Variants in MMP17 observed in about 807,000 individuals in gnomAD.
MMP17 encodes matrix metalloproteinase-17.
In MMP17, 54 loss-of-function variants were observed where a neutral mutation model predicts 49.1. That is an observed-to-expected ratio of 1.10 (90% CI 0.88 to 1.38). The LOEUF is 1.38. MMP17 is among the 40% of genes most tolerant of loss of function. The pLI, the probability that MMP17 is intolerant of heterozygous loss-of-function variation, is 0.00. For synonymous variants in MMP17, 397 were observed against 383.1 expected (o/e 1.04, Z -0.42); for missense variants, 837 against 853.7 (o/e 0.98, Z 0.24).
rs887200884 is a variant in MMP17 at position 131,851,661 on chromosome 12, G to A, written c.*387G>A. On this transcript the variant is annotated 3_prime_UTR_variant, in exon 10 of 10. Transcript: ENST00000360564. ...GCTCCCGCCGGCCCACAGGGCCTCCGTCCCCAGGTCCCCAGTGGGGCAGCC... is the reference window on the plus strand; with the variant it reads ...GCTCCCGCCGGCCCACAGGGCCTCCATCCCCAGGTCCCCAGTGGGGCAGCC... The A allele has an allele frequency of 5.1e-5, 10 of 195,324 alleles. No homozygotes were observed. The highest frequency in any genetic ancestry group is 8.3e-5 in the Non-Finnish European group (8 of 96,592). 12.1% of individuals were successfully genotyped at this position (195,324 alleles called of 1,614,324 possible).
In MMP17 at chr12:131,828,420, G is replaced by C. The variant is rs1022019556; in HGVS notation, c.-75G>C. ...TCCGGCGGGGGCGCCGCGGAGAGCG[G>C]AGGGCGCCGGGCTGCGGAACGCGAA... is the stretch of plus-strand genomic sequence containing the variant. On this transcript the variant is annotated 5_prime_UTR_variant, in exon 1 of 10. Transcript: ENST00000360564. 1 of 865,550 alleles carries C rather than the reference G, an allele frequency of 1.2e-6. No homozygotes were observed. The allele number at this position is 865,550 out of a possible 1,614,324, so 53.6% of individuals were successfully genotyped here.
rs1021388094 is a variant in MMP17 at position 131,845,562 on chromosome 12, C to G, written c.1204+113C>G. ...GCCCTACGTCTGCCCAGAGGCTGGT[C>G]GAGCACAGAGCAGCTGGTTTGCTTG... On this transcript the variant is annotated intron_variant, in intron 8 of 9. Coordinates refer to ENST00000360564, the MANE Select transcript of MMP17 (RefSeq NM_016155.7). The G allele has an allele frequency of 1.3e-5, 17 of 1,355,264 alleles. 1 individual carries two copies. The South Asian group carries it at 2.3e-4, about 18-fold the overall frequency. The allele number at this position is 1,355,264 out of a possible 1,614,324, so 84.0% of individuals were successfully genotyped here.
intron 9 of MMP17, 92 bp downstream of exon 9, chr12:131,850,151 A>G: frequency 6.9e-7 from 1 of 1,450,666 alleles, no homozygotes; most frequent in African/African-American, 1.4e-5. Flanking sequence ...GTTCCCTGAA[A>G]GGAGGACGGC....
intron 3 of MMP17, among the ~76,000 whole-genome samples, chr12:131,839,430 C>T (rs1457470770): frequency 6.6e-6 from 1 of 151,980 alleles, no homozygotes; most frequent in African/African-American, 2.4e-5. Flanking sequence ...CTCCTGCCTC[C>T]GCCTCCCGAG....
intron 1 of MMP17, among the ~76,000 whole-genome samples, chr12:131,832,266 A>T (rs1226951675): frequency 7.9e-5 from 2 of 25,304 alleles, no homozygotes; most frequent in African/African-American, 3.1e-4. Context: ...GCTGGAGAGG[A>T]TCTGGGGGGG....
At chr12:131,840,227 G>C (rs1305179672) in intron 3 of MMP17, 2 of 258,442 alleles carry the variant, frequency 7.7e-6, no homozygotes, top group Non-Finnish European at 1.5e-5. Flanking sequence ...GTGAGGGCTG[G>C]TGAACCGAGA....
intron 8 of MMP17, among the ~76,000 whole-genome samples, chr12:131,847,355 G>A (rs1413384491): frequency 2.0e-5 from 3 of 150,116 alleles, no homozygotes; most frequent in African/African-American, 7.4e-5. Flanking sequence ...GGAGTTTGCA[G>A]TGAGGTGAGA....
At chr12:131,849,203 G>A (rs917755301) in intron 8 of MMP17, among the ~76,000 whole-genome samples, 4 of 152,120 alleles carry the variant, frequency 2.6e-5, no homozygotes, top group Non-Finnish European at 5.9e-5. Context: ...TGTATTTAAC[G>A]CAGGGCACGG....
At chr12:131,839,618 C>T (rs1017681666) in intron 3 of MMP17, among the ~76,000 whole-genome samples, 2 of 152,130 alleles carry the variant, frequency 1.3e-5, no homozygotes, top group East Asian at 3.9e-4. Flanking sequence ...GGATTACAGG[C>T]ACGAGCCACC....
chr12:131,838,116 G>A, intron 1 of MMP17, 79 bp from the exon 2 acceptor site: 2 of 1,498,300 alleles, frequency 1.3e-6, no homozygotes, highest in Non-Finnish European at 1.8e-6. Context: ...CCCGGAAGCA[G>A]TGGTGGCCCG....
rs547218043 is a variant in MMP17 at position 131,844,069 on chromosome 12, G to A, written c.956G>A (p.Arg319Gln). ...PPLLPEPPDN[R>Q]SSAPPRKDVP... is the part of the protein sequence containing the mutation. ...CTGCTGCCGGAGCCCCCAGACAACC[G>A]GTCCAGCGCCCCGTAAGCCCTGGGC... The change falls in exon 6 of 10, where the codon CGG becomes CAG. Residue 319 changes from arginine (R) to glutamine (Q), a missense_variant. Arg to Gln is a conservative substitution (Grantham distance 43). Coordinates refer to ENST00000360564, the MANE Select transcript of MMP17 (RefSeq NM_016155.7). The A allele has an allele frequency of 1.7e-5, 26 of 1,561,662 alleles. No homozygotes were observed. The highest frequency in any genetic ancestry group is 1.6e-4 in the African/African-American group (12 of 73,822).
chr12:131,847,871 C>A (rs1461840763), intron 8 of MMP17, among the ~76,000 whole-genome samples: 1 of 152,154 alleles, frequency 6.6e-6, no homozygotes, highest in Non-Finnish European at 1.5e-5. Context: ...CCGTCTCACC[C>A]CTGCTCCCCC....
rs1030235217 is a variant in MMP17 at position 131,846,674 on chromosome 12, C to T, written c.1204+1225C>T. The stretch of plus-strand genomic sequence containing the variant: ...ACAGATGTGAGCCACTGCACCCGGC[C>T]TGCCTAATCCCATCTTAACTCATCT... On this transcript the variant is annotated intron_variant, in intron 8 of 9. Transcript: ENST00000360564. This position sits in a 1 kb window ranked among gnomAD's most constrained non-coding sequence, Gnocchi z 4.6. Among the ~76,000 whole-genome samples the T allele has an allele frequency of 2.0e-5, 3 of 152,160 alleles. No individual in the cohort carries two copies. The South Asian group carries it at 6.2e-4, about 32-fold the overall frequency.
chr12:131,840,783 C>T lies in MMP17; in HGVS notation c.633C>T (p.Phe211=), dbSNP rs1186838855. Residue 211 remains phenylalanine (F), a synonymous_variant, in exon 4 of 10, where the codon TTC becomes TTT. Coordinates refer to ENST00000360564, the MANE Select transcript of MMP17 (RefSeq NM_016155.7). ...DGPGGTVAHA[F]FPGHHHTAGD... ...CCGGCGGCACCGTGGCCCACGCCTTCTTCCCCGGCCACCACCACACCGCCG... is the reference window on the plus strand; with the variant it reads ...CCGGCGGCACCGTGGCCCACGCCTTTTTCCCCGGCCACCACCACACCGCCG... The T allele has an allele frequency of 6.2e-7, 1 of 1,605,598 alleles. No homozygotes were observed. Among genetic ancestry groups the T allele is most frequent in the African/African-American group, 1.3e-5 (1 of 74,938 alleles).
Position 131,828,427 on chromosome 12 carries a change from C to T in MMP17, c.-68C>T, listed in dbSNP as rs1215567357. On this transcript the variant is annotated 5_prime_UTR_variant, in exon 1 of 10. Transcript: ENST00000360564. ...GGGGCGCCGCGGAGAGCGGAGGGCG[C>T]CGGGCTGCGGAACGCGAAGCGGAGG... 4.4e-6 allele frequency: 4 copies of T among 908,600 alleles called. No individual in the cohort carries two copies. The highest frequency in any genetic ancestry group is 5.3e-6 in the Non-Finnish European group (4 of 759,932). The allele number at this position is 908,600 out of a possible 1,614,324, so 56.3% of individuals were successfully genotyped here.
intron 1 of MMP17, among the ~76,000 whole-genome samples, chr12:131,831,507 C>G (rs11613057): frequency 0.049 from 7,432 of 151,982 alleles, 254 homozygotes; most frequent in Middle Eastern, 0.16. Context: ...GCCAGGGTGT[C>G]CCCTCTCACC....
chr12:131,850,005 C>G lies in MMP17; in HGVS notation c.1408C>G (p.Pro470Ala), dbSNP rs1168725882. The G allele has an allele frequency of 6.2e-7, 1 of 1,613,430 alleles. No individual in the cohort carries two copies. The change falls in exon 9 of 10, where the codon CCC (proline) becomes GCC (alanine). Residue 470 changes from proline (P) to alanine (A), a missense_variant. Coordinates refer to ENST00000360564, the MANE Select transcript of MMP17 (RefSeq NM_016155.7). ...HMDPGYPAQS[P>A]LWRGVPSTLD... ...GGACCCCGGCTACCCCGCCCAGAGC[C>G]CCCTGTGGAGGGGTGTCCCCAGCAC...
At chr12:131,829,603 T>C (rs955108028) in intron 1 of MMP17, among the ~76,000 whole-genome samples, 5 of 152,220 alleles carry the variant, frequency 3.3e-5, no homozygotes, top group Admixed American at 3.3e-4. Context: ...GTACTCGGCC[T>C]GGCCCTCGTC....
Position 131,845,102 on chromosome 12 carries a change from G to C in MMP17, c.969-16G>C, listed in dbSNP as rs1483996170. The C allele has an allele frequency of 6.3e-7, 1 of 1,598,038 alleles. No individual in the cohort carries two copies. The highest frequency in any genetic ancestry group is 8.5e-7 in the Non-Finnish European group (1 of 1,175,562). ...CCAGGCCCCGCCTCCCAGCCCACCT[G>C]GCTCTCTCCCTGCAGGCCCAGGAAG... is the stretch of plus-strand genomic sequence containing the variant. On this transcript the variant is annotated splice_polypyrimidine_tract_variant and intron_variant, in intron 6 of 9. Coordinates refer to ENST00000360564, the MANE Select transcript of MMP17 (RefSeq NM_016155.7).
Sources: gnomAD v4.1 joint callset for allele counts (sites outside exome capture counted in the v4.1 genomes callset) on GRCh38, gnomAD v4.1.1 for gene constraint, Gnocchi (gnomAD v3.1) non-coding constraint, MANE v1.5 for transcripts, NCBI Gene and HGNC (gene_info 2026-07-23, HGNC 2026-07-21) for gene names.